Variants in PRKG1 observed in about 807,000 individuals in gnomAD.
The protein encoded by PRKG1 is cGMP-dependent protein kinase 1.
Under a neutral mutation model 88.1 loss-of-function variants are expected in PRKG1, and 35 were observed. The ratio of observed to expected loss-of-function variants is 0.40; its 90% CI spans 0.30 to 0.53. The LOEUF (loss-of-function observed/expected upper bound fraction) is 0.53, where lower values mean the gene tolerates loss of function less well. PRKG1 is among the 20% of genes least tolerant of loss of function. PRKG1 has a pLI of 0.59. For missense variants in PRKG1, 540 were observed against 839.8 expected, an observed-to-expected ratio of 0.64 and a Z score of 4.41; for synonymous variants, 303 against 292.5, an observed-to-expected ratio of 1.04 and a Z score of -0.37.
At chr10:52,085,423 G>C (rs1280012795) in intron 7 of PRKG1, among the ~76,000 whole-genome samples, 1 of 151,996 alleles carries the variant, frequency 6.6e-6, no homozygotes, top group Non-Finnish European at 1.5e-5. Flanking sequence ...ATATGGACTG[G>C]TGGATTACTA....
At chr10:51,421,481 G>A (rs544390639) in intron 2 of PRKG1, among the ~76,000 whole-genome samples, 25 of 152,120 alleles carry the variant, frequency 1.6e-4, no homozygotes, top group Admixed American at 1.2e-3. Flanking sequence ...GCCTGGCCCC[G>A]ATACCTTTTA....
rs149958403 is a variant in PRKG1, at chr10:51,854,140, C to T, written c.698+49450C>T. Among the ~76,000 whole-genome samples the T allele has an allele frequency of 2.8e-4, 42 of 152,090 alleles. No individual in the cohort carries two copies. The East Asian group carries it at 7.6e-3, about 27-fold the overall frequency. ...AAATTTAAGTTTAAAATTTGATACA[C>T]GAGTCATAGTCACTCAGTCATTTGG... On this transcript the variant is annotated intron_variant, in intron 4 of 17. Coordinates refer to ENST00000373980, the MANE Select transcript of PRKG1 (RefSeq NM_006258.4).
intron 7 of PRKG1, among the ~76,000 whole-genome samples, chr10:52,093,468 T>C (rs1287349801): frequency 6.6e-6 from 1 of 152,060 alleles, no homozygotes; most frequent in Non-Finnish European, 1.5e-5. Context: ...AAAATGTACA[T>C]GTGAAAGTAA....
At chr10:51,274,844 G>A (rs938495902) in intron 2 of PRKG1, among the ~76,000 whole-genome samples, 5 of 152,198 alleles carry the variant, frequency 3.3e-5, no homozygotes, top group Admixed American at 6.5e-5. Context: ...AAAAAAGTGG[G>A]CAGTATAGTC....
At chr10:51,972,789 A>G (rs1415230926) in intron 5 of PRKG1, among the ~76,000 whole-genome samples, 1 of 152,296 alleles carries the variant, frequency 6.6e-6, no homozygotes, top group South Asian at 2.1e-4. Flanking sequence ...GTCTTTTAAA[A>G]TAAGTATCAG....
At chr10:51,922,225 A>G (rs917440683) in intron 5 of PRKG1, among the ~76,000 whole-genome samples, 5 of 151,444 alleles carry the variant, frequency 3.3e-5, no homozygotes, top group African/African-American at 9.7e-5. Flanking sequence ...GTTAATGTCC[A>G]TAGGATCAGT....
chr10:52,023,798 G>T (rs1326241182), intron 5 of PRKG1, among the ~76,000 whole-genome samples: 2 of 152,154 alleles, frequency 1.3e-5, no homozygotes, highest in Non-Finnish European at 2.9e-5. Flanking sequence ...GTTCTTTGTA[G>T]ATTCTGGATA....
chr10:51,596,043 C>G (rs151152999), intron 3 of PRKG1, among the ~76,000 whole-genome samples: 1 of 151,970 alleles, frequency 6.6e-6, no homozygotes. Context: ...TTTGGTCAGG[C>G]TGGTCCCAAA....
intron 4 of PRKG1, among the ~76,000 whole-genome samples, chr10:51,865,705 C>T (rs917932418): frequency 6.6e-6 from 1 of 152,048 alleles, no homozygotes; most frequent in African/African-American, 2.4e-5. Context: ...TACCTCTGGA[C>T]TGGCACTCAG....
At chr10:51,655,958 G>A (rs1840150559) in intron 3 of PRKG1, among the ~76,000 whole-genome samples, 2 of 152,104 alleles carry the variant, frequency 1.3e-5, no homozygotes, top group Admixed American at 1.3e-4. Context: ...GGGAGATTTG[G>A]AGTCTTGGAG....
chr10:52,064,799 G>A (rs1407924937), intron 7 of PRKG1, among the ~76,000 whole-genome samples: 1 of 152,190 alleles, frequency 6.6e-6, no homozygotes, highest in Non-Finnish European at 1.5e-5. Flanking sequence ...TGGGTGTGCA[G>A]ACCTGGCCAT....
chr10:51,593,852 G>A (rs551319289), intron 3 of PRKG1, among the ~76,000 whole-genome samples: 2 of 152,102 alleles, frequency 1.3e-5, no homozygotes, highest in African/African-American at 2.4e-5. Context: ...ATCCTCCAGA[G>A]TAGCTGGGAT....
intron 7 of PRKG1, among the ~76,000 whole-genome samples, chr10:52,106,021 C>T (rs1453708005): frequency 6.6e-6 from 1 of 152,106 alleles, no homozygotes; most frequent in Non-Finnish European, 1.5e-5. Flanking sequence ...CTTCTTATGC[C>T]TTTGCATCCT....
chr10:51,018,987 T>C (rs909786366), intron 1 of PRKG1, among the ~76,000 whole-genome samples: 1 of 152,212 alleles, frequency 6.6e-6, no homozygotes, highest in Non-Finnish European at 1.5e-5. Flanking sequence ...GATTTATAAG[T>C]AAATGTTACA....
chr10:51,593,696 A>G (rs1838368452), intron 3 of PRKG1, among the ~76,000 whole-genome samples: 1 of 151,956 alleles, frequency 6.6e-6, no homozygotes, highest in Non-Finnish European at 1.5e-5. Flanking sequence ...ATTGTGTGTT[A>G]CTAGAAAAGT....
intron 2 of PRKG1, among the ~76,000 whole-genome samples, chr10:51,465,488 C>G (rs961727436): frequency 6.6e-6 from 1 of 152,112 alleles, no homozygotes; most frequent in Non-Finnish European, 1.5e-5. Context: ...TTTTACAAAG[C>G]ATTGCAAAAT....
intron 1 of PRKG1, among the ~76,000 whole-genome samples, chr10:51,004,722 G>A (rs1310979546): frequency 1.3e-5 from 2 of 151,854 alleles, no homozygotes; most frequent in African/African-American, 4.8e-5. Context: ...ATGTTTGTGG[G>A]TGTGTGCCTG....
At chr10:51,314,411 T>G (rs940228585) in intron 2 of PRKG1, among the ~76,000 whole-genome samples, 1 of 152,236 alleles carries the variant, frequency 6.6e-6, no homozygotes, top group African/African-American at 2.4e-5. Context: ...TGAACACAGT[T>G]TGTAAATTCT....
chr10:51,129,545 A>G (rs1010842876), intron 1 of PRKG1, among the ~76,000 whole-genome samples: 1 of 152,202 alleles, frequency 6.6e-6, no homozygotes, highest in Admixed American at 6.5e-5. Context: ...TAATTTGTGG[A>G]CAAAACTTTT....
Sources: allele counts gnomAD v4.1 joint callset (sites outside exome capture counted in the v4.1 genomes callset), GRCh38; gene constraint gnomAD v4.1.1; transcripts MANE v1.5; gene names NCBI Gene and HGNC (gene_info 2026-07-23, HGNC 2026-07-21).